Variants in OTOL1 observed in about 807,000 individuals in gnomAD.
OTOL1 encodes otolin-1.
A neutral mutation model predicts 25.0 loss-of-function variants in OTOL1; 31 were observed. That is an observed-to-expected ratio of 1.24 (90% CI 0.93 to 1.67). The LOEUF is 1.67. OTOL1 is among the 40% of genes most tolerant of loss of function. The pLI is 0.00. For synonymous variants in OTOL1, 225 were observed against 210.3 expected, an observed-to-expected ratio of 1.07 and a Z score of -0.61; for missense variants, 654 against 587.7, an observed-to-expected ratio of 1.11 and a Z score of -1.17.
chr3:161,499,121 C>A (rs760673719), intron 1 of OTOL1, 50 bp from the exon 2 acceptor site: 1 of 1,432,432 alleles, frequency 7.0e-7, no homozygotes, highest in Admixed American at 2.0e-5. Context: ...AACTAATGAA[C>A]TTTAAAAGAG....
intron 1 of OTOL1, among the ~76,000 whole-genome samples, chr3:161,498,843 A>G (rs1576945744): frequency 6.6e-6 from 1 of 152,250 alleles, no homozygotes; most frequent in South Asian, 2.1e-4. Flanking sequence ...TTTACTTCCA[A>G]TGTGAAAGTG....
At chr3:161,497,461 C>T (rs1718862767) in intron 1 of OTOL1, among the ~76,000 whole-genome samples, 1 of 152,156 alleles carries the variant, frequency 6.6e-6, no homozygotes, top group African/African-American at 2.4e-5. Context: ...GCATTTCCAT[C>T]ATTGTAGACA....
chr3:161,503,415 C>A lies in OTOL1; in HGVS notation c.907C>A (p.Leu303Ile). The A allele has an allele frequency of 6.2e-7, 1 of 1,612,874 alleles. No individual in the cohort carries two copies. The highest frequency in any genetic ancestry group is 8.5e-7 in the Non-Finnish European group (1 of 1,179,406). Residue 303 changes from leucine (L) to isoleucine (I), a missense_variant, in exon 4 of 4, where the codon CTC (leucine) becomes ATC (isoleucine). Coordinates refer to ENST00000327928, the MANE Select transcript of OTOL1 (RefSeq NM_001080440.1). The stretch of plus-strand genomic sequence containing the variant: ...AAAAGGAGAGTTAGGTCCTCCTGGT[C>A]TCCTGGGACCTACTGGGCCGAAGGG... ...GEKGELGPPG[L>I]LGPTGPKGDI...
rs575703430 is a variant in OTOL1, at chr3:161,500,663, C to A, written c.454+1403C>A. Among the ~76,000 whole-genome samples the A allele has an allele frequency of 4.9e-4, 74 of 152,288 alleles. No homozygotes were observed. The South Asian group carries it at 0.012, about 25-fold the overall frequency. On this transcript the variant is annotated intron_variant, in intron 2 of 3. Transcript: ENST00000327928. The stretch of plus-strand genomic sequence containing the variant: ...AAACTCTTTCGAGGAATTCAAGAAG[C>A]AGTATAACTCTGTGTGGTGAAGGTT...
chr3:161,502,158 G>A (rs987173998), intron 2 of OTOL1, 149 bp from the exon 3 acceptor site: 19 of 701,884 alleles, frequency 2.7e-5, no homozygotes, highest in African/African-American at 1.6e-4. Flanking sequence ...GTGAGCCGCC[G>A]TGCCTGGCGT....
intron 1 of OTOL1, 106 bp downstream of exon 1, chr3:161,497,277 A>G: frequency 1.5e-6 from 2 of 1,327,868 alleles, no homozygotes; most frequent in Non-Finnish European, 2.1e-6. Context: ...TGTTATGCAA[A>G]TAGTAACAGG....
At chr3:161,497,352 T>C (rs1464453179) in intron 1 of OTOL1, among the ~76,000 whole-genome samples, 181 bp downstream of exon 1, 1 of 152,070 alleles carries the variant, frequency 6.6e-6, no homozygotes, top group Non-Finnish European at 1.5e-5. Context: ...AATTAATAAA[T>C]ATTAAAATTA....
In OTOL1 at chr3:161,503,645, G is replaced by A. The variant is rs1008139615; in HGVS notation, c.1137G>A (p.Lys379=). The change falls in exon 4 of 4, where the codon AAG becomes AAA. Residue 379 remains lysine, a synonymous_variant. Transcript: ENST00000327928. ...GGAATTACAGTCCTGTCACTGGGAA[G>A]TTTAACTGCTCTATTCCTGGGACAT... is the stretch of plus-strand genomic sequence containing the variant. ...DQGNYSPVTG[K]FNCSIPGTYV... 3.1e-6 allele frequency: 5 copies of A among 1,613,752 alleles called. No individual in the cohort carries two copies. The African/African-American group carries it at 6.7e-5, about 22-fold the overall frequency.
Position 161,503,409 on chromosome 3 carries a change from C to A in OTOL1, c.901C>A (p.Pro301Thr). Reference protein sequence around the residue: ...IKGEKGELGPPGLLGPTGPKG... With the variant: ...IKGEKGELGPTGLLGPTGPKG... ...AGGAGAAAAAGGAGAGTTAGGTCCT[C>A]CTGGTCTCCTGGGACCTACTGGGCC... is the stretch of plus-strand genomic sequence containing the variant. The change falls in exon 4 of 4, where the codon CCT becomes ACT. Residue 301 changes from proline to threonine, a missense_variant. Transcript: ENST00000327928. The A allele has an allele frequency of 6.2e-7, 1 of 1,612,500 alleles. No homozygotes were observed. The highest frequency in any genetic ancestry group is 8.5e-7 in the Non-Finnish European group (1 of 1,179,200).
rs746215061 is a variant in OTOL1, at chr3:161,503,819, A to T, written c.1311A>T (p.Ala437=). 2.5e-6 allele frequency: 4 copies of T among 1,613,850 alleles called. No individual in the cohort carries two copies. The highest frequency in any genetic ancestry group is 2.5e-6 in the Non-Finnish European group (3 of 1,179,884). The part of the protein sequence containing the change: ...ASLLVILKLS[A]GDQVWLEVSK... ...TCCTCGTCATCTTGAAATTAAGTGC[A>T]GGAGACCAAGTCTGGCTTGAGGTGT... The change falls in exon 4 of 4, where the codon GCA becomes GCT. Residue 437 remains alanine (A), a synonymous_variant. Transcript: ENST00000327928.
Position 161,499,233 on chromosome 3 carries a change from G to C in OTOL1, c.427G>C (p.Gly143Arg), listed in dbSNP as rs1718913167. The change falls in exon 2 of 4, where the codon GGC becomes CGC. Residue 143 changes from glycine (G) to arginine (R), a missense_variant. Physicochemically the swap from Gly to Arg is moderately radical, Grantham distance 125. Coordinates refer to ENST00000327928, the MANE Select transcript of OTOL1 (RefSeq NM_001080440.1). Reference sequence around the variant, plus strand: ...GCCACCAGGAGTTGTTGGGCCCCAAGGCCCTAGAGGCTACAAAGGAGAGAA... The same window carrying C: ...GCCACCAGGAGTTGTTGGGCCCCAACGCCCTAGAGGCTACAAAGGAGAGAA... ...PGPPGVVGPQ[G>R]PRGYKGEKGL... 6.2e-7 allele frequency: 1 copy of C among 1,610,060 alleles called. No homozygotes were observed. Among genetic ancestry groups the C allele is most frequent in the Non-Finnish European group, 8.5e-7 (1 of 1,178,408 alleles).
At position 161,502,373 on chromosome 3, in the gene OTOL1, G is replaced by A; in HGVS notation, c.517+4G>A. 1.2e-6 allele frequency: 2 copies of A among 1,612,102 alleles called. No individual in the cohort carries two copies. Among genetic ancestry groups the A allele is most frequent in the Non-Finnish European group, 1.7e-6 (2 of 1,178,788 alleles). On this transcript the variant is annotated splice_donor_region_variant and intron_variant, in intron 3 of 3. Transcript: ENST00000327928. Reference sequence around the variant, plus strand: ...CCAGGAAAACCGGGAGCACAAGGTAGAGCATGAAATGTATCTACTGTGTAC... The same window carrying A: ...CCAGGAAAACCGGGAGCACAAGGTAAAGCATGAAATGTATCTACTGTGTAC...
intron 1 of OTOL1, among the ~76,000 whole-genome samples, chr3:161,498,392 C>G (rs1390903487): frequency 1.3e-5 from 2 of 152,080 alleles, no homozygotes; most frequent in Non-Finnish European, 2.9e-5. Flanking sequence ...TATTACCCTG[C>G]CTGGGGAGCT....
At chr3:161,502,277 G>C (rs1206522097) in intron 2 of OTOL1, 30 bp from the exon 3 acceptor site, 6 of 1,564,520 alleles carry the variant, frequency 3.8e-6, no homozygotes, top group African/African-American at 1.4e-5. Context: ...TGATGTAGTT[G>C]GTAAAAAGTT....
intron 3 of OTOL1, 56 bp downstream of exon 3, chr3:161,502,425 T>G: frequency 7.4e-7 from 1 of 1,357,234 alleles, no homozygotes; most frequent in Non-Finnish European, 1.0e-6. Context: ...TAGCCCTTCA[T>G]TCTCTTCCTG....
rs562665934 is a variant in OTOL1 at position 161,498,100 on chromosome 3, G to C, written c.364+929G>C. On this transcript the variant is annotated intron_variant, in intron 1 of 3. Coordinates refer to ENST00000327928, the MANE Select transcript of OTOL1 (RefSeq NM_001080440.1). ...AGATGGGCCGTAGCTTGGGTACCAA[G>C]ATGTCAGGATTGCTAAAACATTACT... Among the ~76,000 whole-genome samples, 35 of 152,274 alleles carry C rather than the reference G, an allele frequency of 2.3e-4. No homozygotes were observed. In the South Asian group the frequency reaches 7.2e-3, roughly 32 times the overall value.
In OTOL1 at chr3:161,503,937, C is replaced by T. The variant is rs770064419; in HGVS notation, c.1429C>T (p.Pro477Ser). 11 of 1,609,328 alleles carry T rather than the reference C, an allele frequency of 6.8e-6. No homozygotes were observed. Among genetic ancestry groups the T allele is most frequent in the South Asian group, 5.5e-5 (5 of 90,616 alleles). ...CCCAGAGGAAACTTCTGGAATTTCA[C>T]CATAAATTTGTGTCCTGAATCCTGT... ...LYPEETSGISP is the reference protein window; with the variant it reads ...LYPEETSGISS Residue 477 changes from proline to serine, a missense_variant, in exon 4 of 4, where the codon CCA (proline) becomes TCA (serine). Transcript: ENST00000327928.
intron 2 of OTOL1, among the ~76,000 whole-genome samples, chr3:161,500,724 C>T (rs1016094154): frequency 2.6e-4 from 40 of 152,170 alleles, no homozygotes; most frequent in African/African-American, 8.2e-4. Context: ...GGAATACAAT[C>T]GGCTCTTCCC....
intron 1 of OTOL1, among the ~76,000 whole-genome samples, chr3:161,497,825 A>G (rs1260030169): frequency 6.6e-6 from 1 of 152,146 alleles, no homozygotes; most frequent in African/African-American, 2.4e-5. Context: ...TGTCTATAAT[A>G]TATACATAAT....
Sources: allele counts gnomAD v4.1 joint callset (sites outside exome capture counted in the v4.1 genomes callset), GRCh38; gene constraint gnomAD v4.1.1; transcripts MANE v1.5; gene names NCBI Gene and HGNC (gene_info 2026-07-23, HGNC 2026-07-21).